RNF130: variants seen among roughly 807,000 people sequenced by gnomAD.
RNF130 encodes the protein ring finger protein 130.
Under a neutral mutation model 44.6 loss-of-function variants are expected in RNF130, and 21 were observed. The ratio of observed to expected loss-of-function variants is 0.47; its 90% CI spans 0.33 to 0.68. The LOEUF is 0.68. RNF130 is among the 30% of genes least tolerant of loss of function. RNF130 has a pLI of 0.02. For missense variants in RNF130, 479 were observed against 560.6 expected (o/e 0.85, Z 1.47); for synonymous variants, 214 against 210.4 (o/e 1.02, Z -0.15).
intron 8 of RNF130, among the ~76,000 whole-genome samples, chr5:179,958,990 T>C (rs1050648775): frequency 1.3e-5 from 2 of 152,138 alleles, no homozygotes; most frequent in Non-Finnish European, 2.9e-5. Context: ...CACAAAGTTC[T>C]TTCTTATATC....
intron 8 of RNF130, among the ~76,000 whole-genome samples, chr5:179,958,110 C>T (rs1049705622): frequency 3.9e-5 from 6 of 152,108 alleles, no homozygotes; most frequent in Non-Finnish European, 8.8e-5. Context: ...ATCTCCTGAC[C>T]TCGTGATCCG....
chr5:179,984,032 C>A (rs886913028), intron 3 of RNF130, among the ~76,000 whole-genome samples: 1 of 152,150 alleles, frequency 6.6e-6, no homozygotes, highest in African/African-American at 2.4e-5. Context: ...TACAGGTGTG[C>A]ACCATCTGCT....
At chr5:179,974,857 C>A (rs1762682407) in intron 5 of RNF130, among the ~76,000 whole-genome samples, 1 of 152,230 alleles carries the variant, frequency 6.6e-6, no homozygotes, top group Non-Finnish European at 1.5e-5. Flanking sequence ...GGAGGAGCGG[C>A]ATGGACCGCA....
intron 1 of RNF130, among the ~76,000 whole-genome samples, chr5:180,057,843 C>T (rs901848874): frequency 3.9e-5 from 6 of 152,252 alleles, no homozygotes; most frequent in East Asian, 1.9e-4. Flanking sequence ...TAGGGCGTTA[C>T]GGGAACCTCC....
chr5:180,010,562 G>C (rs994972881), intron 3 of RNF130, among the ~76,000 whole-genome samples: 8 of 152,100 alleles, frequency 5.3e-5, no homozygotes, highest in African/African-American at 1.9e-4. Flanking sequence ...GGTTTGCCAT[G>C]TTGGCCAGGC....
In RNF130 at chr5:180,013,218, A is replaced by G. The variant is rs1195971132; in HGVS notation, c.536T>C (p.Ile179Thr). The change falls in exon 3 of 9, where the codon ATA (isoleucine) becomes ACA (threonine). Residue 179 changes from isoleucine (I) to threonine (T), a missense_variant. Ile to Thr is a moderately conservative substitution (Grantham distance 89, BLOSUM62 -1). Around this residue, in one of 3 missense-constraint regions of RNF130, gnomAD observed 180 missense variants for 275.1 expected, o/e 0.65. Coordinates refer to ENST00000521389, the MANE Select transcript of RNF130 (RefSeq NM_018434.6). ...LEKNISVQMT[I>T]AVGTRMPPKN... ...CGGTGGCATTCGAGTTCCAACAGCT[A>G]TTGTCATTTGTACAGAGATGTTTTT... The G allele has an allele frequency of 6.2e-7, 1 of 1,614,092 alleles. No individual in the cohort carries two copies. Among genetic ancestry groups the G allele is most frequent in the Non-Finnish European group, 8.5e-7 (1 of 1,180,048 alleles).
At chr5:180,054,641 T>C (rs1174576071) in intron 1 of RNF130, among the ~76,000 whole-genome samples, 2 of 152,252 alleles carry the variant, frequency 1.3e-5, no homozygotes, top group Non-Finnish European at 2.9e-5. Context: ...GTAGTAAGTT[T>C]TCAAATTGAG....
intron 2 of RNF130, among the ~76,000 whole-genome samples, chr5:180,037,294 G>A (rs1368417558): frequency 6.6e-6 from 1 of 152,222 alleles, no homozygotes; most frequent in African/African-American, 2.4e-5. Context: ...GCTTGTGTGA[G>A]TATATGAAAT....
chr5:179,973,495 G>A lies in RNF130; in HGVS notation c.849-2989C>T, dbSNP rs555037581. 4.6e-5 allele frequency among the ~76,000 whole-genome samples: 7 copies of A among 152,330 alleles called. No homozygotes were observed. In the South Asian group the frequency reaches 1.4e-3, roughly 32 times the overall value. ...GTGCAGAGGTCTCAGCTAAGGACTG[G>A]GCCAGGGGCGTTTAATCTACCTTGG... On this transcript the variant is annotated intron_variant, in intron 5 of 8. Coordinates refer to ENST00000521389, the MANE Select transcript of RNF130 (RefSeq NM_018434.6).
chr5:180,008,346 G>A (rs1314468701), intron 3 of RNF130, among the ~76,000 whole-genome samples: 3 of 152,154 alleles, frequency 2.0e-5, no homozygotes, highest in African/African-American at 7.2e-5. Context: ...ACAGAGCCCA[G>A]TGGGAATAGG....
In RNF130 at chr5:179,939,184, T is replaced by TC. The variant is rs1403560142; in HGVS notation, c.1151-18759dup. Among the ~76,000 whole-genome samples, 26 of 152,056 alleles carry TC rather than the reference T, an allele frequency of 1.7e-4. 1 individual carries two copies. The highest frequency in any genetic ancestry group is 6.0e-4 in the African/African-American group (25 of 41,500). ...GTGAGCTGAGGTCGCGCCACTGCAC[T>TC]CCAGCCTGGGATACAGAGCAAGACT... On this transcript the variant is annotated intron_variant, in intron 7 of 7. Transcript: ENST00000522208.
At chr5:179,969,216 A>G (rs1762528107) in intron 6 of RNF130, among the ~76,000 whole-genome samples, 1 of 151,994 alleles carries the variant, frequency 6.6e-6, no homozygotes, top group Non-Finnish European at 1.5e-5. Flanking sequence ...AGGGCTAACG[A>G]AGGTCCTTGG....
At chr5:180,040,715 A>G (rs1561703475) in intron 1 of RNF130, 68 bp from the exon 2 acceptor site, 1 of 1,437,358 alleles carries the variant, frequency 7.0e-7, no homozygotes, top group Non-Finnish European at 9.5e-7. Context: ...CAAAGTGTCA[A>G]CTGCTTTCTG....
intron 4 of RNF130, among the ~76,000 whole-genome samples, chr5:179,978,654 G>C (rs1347707716): frequency 1.3e-5 from 2 of 152,158 alleles, no homozygotes; most frequent in African/African-American, 2.4e-5. Context: ...GTTTGACACA[G>C]CCTGGAAGCT....
At chr5:180,058,651 G>C (rs1764895954) in intron 1 of RNF130, among the ~76,000 whole-genome samples, 1 of 152,058 alleles carries the variant, frequency 6.6e-6, no homozygotes, top group East Asian at 1.9e-4. Flanking sequence ...TGCCTCCCGG[G>C]TTCAAGCGAG....
chr5:179,929,877 C>T (rs188958970), intron 7 of RNF130, among the ~76,000 whole-genome samples: 4 of 152,096 alleles, frequency 2.6e-5, no homozygotes, highest in South Asian at 2.1e-4. Context: ...TCCATAGTAT[C>T]GTGTCACTCA....
rs531160347 is a variant in RNF130 at position 179,968,034 on chromosome 5, G to A, written c.946-1024C>T. On this transcript the variant is annotated intron_variant, in intron 6 of 8. Coordinates refer to ENST00000521389, the MANE Select transcript of RNF130 (RefSeq NM_018434.6). The stretch of plus-strand genomic sequence containing the variant: ...AAACAGGCTGGGCGCGGTGGCTCAC[G>A]CCTGTAATCCCAGCACTTTGGGAGG... Among the ~76,000 whole-genome samples, 10 of 152,294 alleles carry A rather than the reference G, an allele frequency of 6.6e-5. No individual in the cohort carries two copies. The South Asian group carries it at 1.0e-3, about 16-fold the overall frequency.
chr5:179,948,198 CTCAT>C (rs1762071767), intron 7 of RNF130, among the ~76,000 whole-genome samples: 1 of 152,228 alleles, frequency 6.6e-6, no homozygotes, highest in South Asian at 2.1e-4. Flanking sequence ...TATATCTTCT[CTCAT>C]TCAGATATTG....
At chr5:179,960,263 T>C (rs536390022) in intron 8 of RNF130, among the ~76,000 whole-genome samples, 13 of 152,340 alleles carry the variant, frequency 8.5e-5, no homozygotes, top group Non-Finnish European at 1.5e-4. Flanking sequence ...TTACCTTGCA[T>C]TTATTCACTT....
Sources: allele counts gnomAD v4.1 joint callset (sites outside exome capture counted in the v4.1 genomes callset), GRCh38; gene constraint gnomAD v4.1.1; regional missense constraint gnomAD v4.1.1; transcripts MANE v1.5; gene names NCBI Gene and HGNC (gene_info 2026-07-23, HGNC 2026-07-21).